UBE4B: variants seen among roughly 807,000 people sequenced by gnomAD.
UBE4B encodes the protein ubiquitination factor E4B, also known as ubiquitin conjugation factor E4 B.
UBE4B carries 27 observed loss-of-function variants against 148.1 expected under a neutral mutation model. The ratio of observed to expected loss-of-function variants is 0.18; its 90% CI spans 0.13 to 0.25. The LOEUF (loss-of-function observed/expected upper bound fraction) is 0.25, where lower values mean the gene tolerates loss of function less well. Among genes scored for constraint, UBE4B ranks in the 10% least tolerant of loss-of-function variants. UBE4B has a pLI of 1.00. For synonymous variants in UBE4B, 596 were observed against 619.3 expected (o/e 0.96, Z 0.56); for missense variants, 1,170 against 1,662.4 (o/e 0.70, Z 5.15).
chr1:10,147,923 ATAT>A (rs750294584), intron 19 of UBE4B, among the ~76,000 whole-genome samples: 1 of 152,152 alleles, frequency 6.6e-6, no homozygotes, highest in African/African-American at 2.4e-5. Flanking sequence ...GGCGTGGAAA[ATAT>A]TATTTAAAAT....
intron 22 of UBE4B, among the ~76,000 whole-genome samples, chr1:10,158,820 C>G (rs1425859573): frequency 6.6e-6 from 1 of 151,886 alleles, no homozygotes; most frequent in Non-Finnish European, 1.5e-5. Flanking sequence ...ACCAGCCTGG[C>G]CAACATGGTG....
In UBE4B at chr1:10,144,135, CAG is replaced by C. The variant is rs552834316; in HGVS notation, c.2364-801_2364-800del. Among the ~76,000 whole-genome samples, 79 of 152,224 alleles carry C rather than the reference CAG, an allele frequency of 5.2e-4. 1 individual carries two copies. In the South Asian group the frequency reaches 9.1e-3, roughly 18 times the overall value. ...TAGGTGATGGGGAAGCCTTTTACTG[CAG>C]AGACAGATGGTGTTTGAGCAGACAC... On this transcript the variant is annotated intron_variant, in intron 17 of 27. Transcript: ENST00000343090.
intron 1 of UBE4B, among the ~76,000 whole-genome samples, chr1:10,041,301 CT>C (rs61445642): frequency 0.63 from 94,327 of 150,072 alleles, 32,057 homozygotes; most frequent in African/African-American, 0.91. Flanking sequence ...TAAAACAAGA[CT>C]TAACCTCAGC....
intron 15 of UBE4B, among the ~76,000 whole-genome samples, chr1:10,134,298 G>A (rs1267050666): frequency 2.6e-5 from 4 of 151,742 alleles, no homozygotes; most frequent in Non-Finnish European, 5.9e-5. Context: ...ATCACCTGAG[G>A]TCAGGAGTTC....
chr1:10,154,384 T>A (rs11121523), intron 21 of UBE4B, among the ~76,000 whole-genome samples: 35,408 of 151,480 alleles, frequency 0.23, 4,540 homozygotes, highest in Admixed American at 0.34. Context: ...AAAAAAATTT[T>A]AAAAAAAAAG....
intron 1 of UBE4B, among the ~76,000 whole-genome samples, chr1:10,068,456 T>G (rs1346503656): frequency 6.6e-6 from 1 of 151,608 alleles, no homozygotes; most frequent in Non-Finnish European, 1.5e-5. Context: ...TTGAAGTGAT[T>G]CTCCTGCCGC....
At chr1:10,166,021 C>T (rs1646240334) in intron 23 of UBE4B, among the ~76,000 whole-genome samples, 1 of 152,198 alleles carries the variant, frequency 6.6e-6, no homozygotes, top group African/African-American at 2.4e-5. Flanking sequence ...TCTTTCCTGG[C>T]TCTGCCTTTC....
intron 1 of UBE4B, among the ~76,000 whole-genome samples, chr1:10,038,825 G>T (rs973558670): frequency 6.6e-6 from 1 of 152,002 alleles, no homozygotes; most frequent in Non-Finnish European, 1.5e-5. Flanking sequence ...GGCCGGGCGC[G>T]GTGGCTCACG....
chr1:10,117,412 A>C, intron 7 of UBE4B, 47 bp from the exon 8 acceptor site: 1 of 1,606,328 alleles, frequency 6.2e-7, no homozygotes, highest in African/African-American at 1.3e-5. Flanking sequence ...CTCTGCCAAA[A>C]ATAATCAAGA....
chr1:10,108,176 C>T lies in UBE4B; in HGVS notation c.1196+1593C>T, dbSNP rs1468930779. Among the ~76,000 whole-genome samples the T allele has an allele frequency of 2.0e-5, 3 of 151,444 alleles. No individual in the cohort carries two copies. In the East Asian group the frequency reaches 5.8e-4, roughly 29 times the overall value. ...GTGTGTGTGTGTGTGTGCGTGCGTGCTCCCTTCCCACCCCCTCCCAGCCTC... is the reference window on the plus strand; with the variant it reads ...GTGTGTGTGTGTGTGTGCGTGCGTGTTCCCTTCCCACCCCCTCCCAGCCTC... On this transcript the variant is annotated intron_variant, in intron 7 of 27. Coordinates refer to ENST00000343090, the MANE Select transcript of UBE4B (RefSeq NM_001105562.3).
chr1:10,089,370 AAT>A (rs1288521536), intron 2 of UBE4B, among the ~76,000 whole-genome samples: 4 of 152,164 alleles, frequency 2.6e-5, no homozygotes, highest in African/African-American at 9.7e-5. Context: ...TATGAAATAG[AAT>A]ATGTTTATTA....
chr1:10,129,199 A>C (rs1645550930), intron 11 of UBE4B, 193 bp from the exon 12 acceptor site: 1 of 493,142 alleles, frequency 2.0e-6, no homozygotes, highest in Non-Finnish European at 3.7e-6. Context: ...TTTTATTTCA[A>C]GTTTTCACAT....
chr1:10,175,378 GCA>G (rs1179044695), intron 25 of UBE4B, among the ~76,000 whole-genome samples: 1 of 152,132 alleles, frequency 6.6e-6, no homozygotes. Context: ...ATAGCCGGGT[GCA>G]GTGGCTCACG....
intron 2 of UBE4B, among the ~76,000 whole-genome samples, chr1:10,073,852 T>C (rs1644530983): frequency 1.3e-5 from 2 of 151,432 alleles, no homozygotes; most frequent in Admixed American, 6.6e-5. Context: ...CCTTCTCGAG[T>C]GTGCAGTACC....
intron 1 of UBE4B, among the ~76,000 whole-genome samples, chr1:10,064,248 G>A (rs1006418188): frequency 5.3e-5 from 8 of 152,104 alleles, no homozygotes; most frequent in Non-Finnish European, 1.2e-4. Flanking sequence ...TATGTGGTTC[G>A]ATTTTCAAAA....
At chr1:10,109,648 C>A (rs1570907853) in intron 7 of UBE4B, among the ~76,000 whole-genome samples, 1 of 151,924 alleles carries the variant, frequency 6.6e-6, no homozygotes, top group Non-Finnish European at 1.5e-5. Context: ...TAGCAAAAAA[C>A]CTTGTTACTT....
At chr1:10,086,178 A>C (rs917377357) in intron 2 of UBE4B, among the ~76,000 whole-genome samples, 1 of 151,984 alleles carries the variant, frequency 6.6e-6, no homozygotes, top group Non-Finnish European at 1.5e-5. Context: ...TCACCGTGTT[A>C]GCCAGGATGG....
At chr1:10,130,689 A>G (rs1346905128) in intron 13 of UBE4B, 26 bp from the exon 14 acceptor site, 5 of 1,613,180 alleles carry the variant, frequency 3.1e-6, no homozygotes, top group Non-Finnish European at 4.2e-6. Context: ...TTATATGTTG[A>G]CTGCATTTTT....
chr1:10,097,399 G>A (rs371280849), intron 3 of UBE4B, among the ~76,000 whole-genome samples: 1 of 152,058 alleles, frequency 6.6e-6, no homozygotes, highest in Non-Finnish European at 1.5e-5. Flanking sequence ...CATCAAAAAG[G>A]GAGAATAGAG....
Sources: allele counts gnomAD v4.1 joint callset (sites outside exome capture counted in the v4.1 genomes callset), GRCh38; gene constraint gnomAD v4.1.1; transcripts MANE v1.5; gene names NCBI Gene and HGNC (gene_info 2026-07-23, HGNC 2026-07-21).